The following NXPE3 variants were observed in gnomAD, a reference collection of about 807,000 sequenced individuals.
NXPE3 encodes the protein NXPE family member 3.
NXPE3 carries 26 observed loss-of-function variants against 46.1 expected under a neutral mutation model. The observed-to-expected ratio is 0.56, with a 90% CI of 0.41 to 0.78. NXPE3 has a LOEUF of 0.78. NXPE3 is among the 30% of genes least tolerant of loss of function. The pLI is 0.00. For synonymous variants in NXPE3, 272 were observed against 257.9 expected (o/e 1.05, Z -0.52); for missense variants, 620 against 686.0 (o/e 0.90, Z 1.07).
At chr3:101,792,284 A>G (rs1003636895) in intron 4 of NXPE3, among the ~76,000 whole-genome samples, 1 of 152,092 alleles carries the variant, frequency 6.6e-6, no homozygotes, top group Non-Finnish European at 1.5e-5. Context: ...CCAGTTGTCA[A>G]TTTCTGCTTT....
At chr3:101,813,448 G>A (rs979848221) in intron 6 of NXPE3, among the ~76,000 whole-genome samples, 29 of 151,922 alleles carry the variant, frequency 1.9e-4, no homozygotes, top group Middle Eastern at 3.4e-3. Context: ...TTTCTCTTTC[G>A]TTTTGTTCCA....
Position 101,821,923 on chromosome 3 carries a change from T to A in NXPE3, c.1649T>A (p.Phe550Tyr). 1 of 1,613,954 alleles carries A rather than the reference T, an allele frequency of 6.2e-7. No individual in the cohort carries two copies. Among genetic ancestry groups the A allele is most frequent in the Non-Finnish European group, 8.5e-7 (1 of 1,179,810 alleles). Residue 550 changes from phenylalanine (F) to tyrosine (Y), a missense_variant, in exon 8 of 8, where the codon TTC (phenylalanine) becomes TAC (tyrosine). Coordinates refer to ENST00000273347, the MANE Select transcript of NXPE3 (RefSeq NM_145037.4). Reference protein sequence around the residue: ...EVIVKNQLDMFLSFVCPLET With the variant: ...EVIVKNQLDMYLSFVCPLET Reference sequence around the variant, plus strand: ...ATTGTGAAGAACCAGCTGGACATGTTCTTGTCCTTTGTGTGCCCCTTGGAA... The same window carrying A: ...ATTGTGAAGAACCAGCTGGACATGTACTTGTCCTTTGTGTGCCCCTTGGAA...
chr3:101,788,056 CATTTT>C (rs1940295542), intron 4 of NXPE3, among the ~76,000 whole-genome samples: 1 of 152,134 alleles, frequency 6.6e-6, no homozygotes, highest in Non-Finnish European at 1.5e-5. Flanking sequence ...CAGCACTTGT[CATTTT>C]GTTTTGTTTT....
intron 4 of NXPE3, among the ~76,000 whole-genome samples, chr3:101,800,474 C>G (rs1323694254): frequency 6.6e-6 from 1 of 152,064 alleles, no homozygotes; most frequent in Non-Finnish European, 1.5e-5. Context: ...GGTGAATGTT[C>G]CATGTGAGCT....
intron 3 of NXPE3, among the ~76,000 whole-genome samples, chr3:101,785,027 T>C (rs1212063718): frequency 6.6e-6 from 1 of 152,232 alleles, no homozygotes; most frequent in Non-Finnish European, 1.5e-5. Context: ...GTAATTAATG[T>C]AGCAGTGTTA....
chr3:101,784,599 C>G (rs1940037160), intron 3 of NXPE3, among the ~76,000 whole-genome samples: 1 of 152,054 alleles, frequency 6.6e-6, no homozygotes, highest in Admixed American at 6.5e-5. Context: ...GGAAAGTCTC[C>G]CTGGGGATAG....
chr3:101,786,748 AG>A (rs1164823637), intron 4 of NXPE3, among the ~76,000 whole-genome samples: 1 of 152,206 alleles, frequency 6.6e-6, no homozygotes, highest in Non-Finnish European at 1.5e-5. Context: ...TAGATATTTT[AG>A]AAACTCTTTT....
chr3:101,798,859 A>C (rs1289896561), intron 4 of NXPE3, among the ~76,000 whole-genome samples: 3 of 152,022 alleles, frequency 2.0e-5, no homozygotes. Context: ...AACGATCCCG[A>C]TCTGTCCACC....
rs1298448601 is a variant in NXPE3 at position 101,801,639 on chromosome 3, T to A, written c.498T>A (p.Asn166Lys). ...TGGGCAGGGTGGTGGATTACCAGAATGGGTTTTACAAGGTTTTCTTTACTT... is the reference window on the plus strand; with the variant it reads ...TGGGCAGGGTGGTGGATTACCAGAAAGGGTTTTACAAGGTTTTCTTTACTT... ...GAVGRVVDYQ[N>K]GFYKVFFTLL... is the part of the protein sequence containing the mutation. The change falls in exon 5 of 8, where the codon AAT (asparagine) becomes AAA (lysine). Residue 166 changes from asparagine to lysine, a missense_variant. Around this residue, in one of 3 missense-constraint regions of NXPE3, gnomAD observed 511 missense variants for 528.6 expected, o/e 0.97. Transcript: ENST00000273347. 1 of 1,614,210 alleles carries A rather than the reference T, an allele frequency of 6.2e-7. No homozygotes were observed. Among genetic ancestry groups the A allele is most frequent in the Admixed American group, 1.7e-5 (1 of 60,034 alleles).
chr3:101,785,028 A>T (rs779624923), intron 3 of NXPE3, among the ~76,000 whole-genome samples: 2 of 152,206 alleles, frequency 1.3e-5, no homozygotes, highest in Admixed American at 6.5e-5. Flanking sequence ...TAATTAATGT[A>T]GCAGTGTTAC....
chr3:101,815,754 T>C (rs954267512), intron 6 of NXPE3, among the ~76,000 whole-genome samples: 3 of 151,970 alleles, frequency 2.0e-5, no homozygotes, highest in Non-Finnish European at 2.9e-5. Flanking sequence ...ATCCCAGCAC[T>C]TTGGGAGGCC....
Position 101,822,172 on chromosome 3 carries a change from A to ACG in NXPE3, c.*218_*219insCG. On this transcript the variant is annotated 3_prime_UTR_variant, in exon 8 of 8. Coordinates refer to ENST00000273347, the MANE Select transcript of NXPE3 (RefSeq NM_145037.4). ...TCCAATGTTGACTTAGCCATGGTAG[A>ACG]ACTCTTAACTGCATCTACACACTAT... The ACG allele has an allele frequency of 2.0e-6, 1 of 507,188 alleles. No individual in the cohort carries two copies. The highest frequency in any genetic ancestry group is 3.3e-5 in the South Asian group (1 of 30,538). 31.4% of individuals were successfully genotyped at this position (507,188 alleles called of 1,614,324 possible). A position where few individuals can be genotyped will look rare whatever the true frequency, so the allele number is the denominator to read the frequency against.
chr3:101,818,277 T>A (rs943802865), intron 7 of NXPE3, among the ~76,000 whole-genome samples: 1 of 152,220 alleles, frequency 6.6e-6, no homozygotes, highest in South Asian at 2.1e-4. Flanking sequence ...GCTTGTTTTT[T>A]AAATTGAAAC....
At chr3:101,805,227 G>A (rs1043145171) in intron 5 of NXPE3, among the ~76,000 whole-genome samples, 2 of 152,024 alleles carry the variant, frequency 1.3e-5, no homozygotes, top group Non-Finnish European at 2.9e-5. Context: ...TTATAGTACT[G>A]TTATTTAATA....
chr3:101,814,696 G>T (rs1026037698), intron 6 of NXPE3, among the ~76,000 whole-genome samples: 3 of 152,082 alleles, frequency 2.0e-5, no homozygotes, highest in Non-Finnish European at 4.4e-5. Context: ...ACTGGACTTT[G>T]ATAAAGGTTG....
At chr3:101,801,195 T>C in intron 4 of NXPE3, 40 bp from the exon 5 acceptor site, 2 of 1,560,384 alleles carry the variant, frequency 1.3e-6, no homozygotes, top group Non-Finnish European at 1.7e-6. Flanking sequence ...CAGAGACCTA[T>C]TATAGTGGTA....
chr3:101,797,032 T>C (rs958793225), intron 4 of NXPE3, among the ~76,000 whole-genome samples: 2 of 152,188 alleles, frequency 1.3e-5, no homozygotes, highest in African/African-American at 4.8e-5. Flanking sequence ...GGTAGATTAG[T>C]TATATGCCTC....
rs375049512 is a variant in NXPE3, at chr3:101,821,804, G to C, written c.1530G>C (p.Arg510=). ...ACTTTCAGCTGGACACCATCCTTCG[G>C]AGGATGTTCTCAGGGGTTGGAGTAT... ...WYNFQLDTIL[R]RMFSGVGVYL... Residue 510 remains arginine (R), a synonymous_variant, in exon 8 of 8, where the codon CGG becomes CGC. Transcript: ENST00000273347. The C allele has an allele frequency of 2.1e-4, 331 of 1,614,228 alleles. 1 individual carries two copies. The highest frequency in any genetic ancestry group is 4.2e-4 in the Admixed American group (25 of 60,020).
chr3:101,816,513 C>T (rs1225309524), intron 6 of NXPE3, among the ~76,000 whole-genome samples: 1 of 151,968 alleles, frequency 6.6e-6, no homozygotes, highest in Non-Finnish European at 1.5e-5. Flanking sequence ...TGAGTGAGAA[C>T]ATGTGGTGTT....
Sources: allele counts gnomAD v4.1 joint callset (sites outside exome capture counted in the v4.1 genomes callset), GRCh38; gene constraint gnomAD v4.1.1; regional missense constraint gnomAD v4.1.1; transcripts MANE v1.5; gene names NCBI Gene and HGNC (gene_info 2026-07-23, HGNC 2026-07-21).